ZNF536: variants seen among roughly 807,000 people sequenced by gnomAD.
ZNF536 encodes the protein zinc finger protein 536.
Under a neutral mutation model 84.5 loss-of-function variants are expected in ZNF536, and 13 were observed. The observed-to-expected ratio is 0.15, with a 90% CI of 0.10 to 0.24. The LOEUF (loss-of-function observed/expected upper bound fraction) is 0.24. Ranked by LOEUF, ZNF536 falls within the 10% of genes least tolerant of loss-of-function variation. ZNF536 has a pLI of 1.00. For synonymous variants in ZNF536, 811 were observed against 742.5 expected, an observed-to-expected ratio of 1.09 and a Z score of -1.50; for missense variants, 1,536 against 1,747.5, an observed-to-expected ratio of 0.88 and a Z score of 2.16.
chr19:30,648,771 T>C lies in ZNF536; in HGVS notation c.170-61986T>C, dbSNP rs148349826. Reference sequence around the variant, plus strand: ...CACACTCCAGTCAGTTTTTAAAAAGTGTTTTTAATTGGGTCAAATAGCATG... The same window carrying C: ...CACACTCCAGTCAGTTTTTAAAAAGCGTTTTTAATTGGGTCAAATAGCATG... On this transcript the variant is annotated intron_variant, in intron 1 of 1. Transcript: ENST00000592773. 1.0e-2 allele frequency among the ~76,000 whole-genome samples: 1,522 copies of C among 152,350 alleles called. 31 individuals carry two copies. The highest frequency in any genetic ancestry group is 0.035 in the African/African-American group (1,437 of 41,574).
chr19:30,546,793 C>T (rs1308979504), intron 3 of ZNF536, among the ~76,000 whole-genome samples: 1 of 152,190 alleles, frequency 6.6e-6, no homozygotes, highest in Admixed American at 6.5e-5. Context: ...CTGTCACAGT[C>T]CCCATTCCTT....
intron 2 of ZNF536, among the ~76,000 whole-genome samples, chr19:30,483,528 G>T (rs1177508374): frequency 7.1e-6 from 1 of 140,262 alleles, no homozygotes; most frequent in Non-Finnish European, 1.5e-5. Context: ...CCAGGGCATG[G>T]TCCAGGCGGT....
intron 1 of ZNF536, among the ~76,000 whole-genome samples, chr19:30,247,936 A>T (rs1413731745): frequency 6.6e-6 from 1 of 152,212 alleles, no homozygotes; most frequent in Non-Finnish European, 1.5e-5. Flanking sequence ...ACCAAATCAG[A>T]GAGTATTTCA....
chr19:30,351,633 G>A (rs559259516), intron 2 of ZNF536, among the ~76,000 whole-genome samples: 4 of 152,244 alleles, frequency 2.6e-5, no homozygotes, highest in East Asian at 3.9e-4. Flanking sequence ...ATTTGAGCAC[G>A]GCTCTGATTT....
At chr19:30,273,257 A>G (rs1382610934) in intron 1 of ZNF536, among the ~76,000 whole-genome samples, 5 of 152,170 alleles carry the variant, frequency 3.3e-5, no homozygotes, top group East Asian at 1.9e-4. Context: ...ACTCATTTGT[A>G]TAAATATCAA....
chr19:30,277,721 G>A (rs117730789), intron 1 of ZNF536, among the ~76,000 whole-genome samples: 2,098 of 152,352 alleles, frequency 0.014, 27 homozygotes, highest in Middle Eastern at 0.041. Flanking sequence ...AGGCCTGATG[G>A]CAGCGTGTCC....
At chr19:30,527,999 T>C (rs1020196566) in intron 2 of ZNF536, among the ~76,000 whole-genome samples, 13 of 152,218 alleles carry the variant, frequency 8.5e-5, no homozygotes, top group African/African-American at 3.1e-4. Context: ...AGAGCTGTGA[T>C]TTTGAGACGT....
At chr19:30,559,361 CA>C (rs1400743402), downstream of ZNF536, among the ~76,000 whole-genome samples, 1 of 152,206 alleles carries the variant, frequency 6.6e-6, no homozygotes, top group Non-Finnish European at 1.5e-5. Flanking sequence ...TAGGCAGGGC[CA>C]GTTTCCACTG....
chr19:30,542,684 CA>C (rs563315439), intron 3 of ZNF536, among the ~76,000 whole-genome samples: 25 of 152,352 alleles, frequency 1.6e-4, no homozygotes, highest in South Asian at 1.2e-3. Flanking sequence ...GCACATTTCA[CA>C]ATGACTGCCT....
chr19:30,252,049 AC>A (rs1341673347), intron 1 of ZNF536, among the ~76,000 whole-genome samples: 1 of 152,220 alleles, frequency 6.6e-6, no homozygotes. Flanking sequence ...TATACATCTG[AC>A]AAAGGACTAA....
At chr19:30,579,739 T>C (rs2046855775) in intron 1 of ZNF536, among the ~76,000 whole-genome samples, 1 of 152,164 alleles carries the variant, frequency 6.6e-6, no homozygotes, top group Admixed American at 6.5e-5. Flanking sequence ...CATTGAGTTA[T>C]ATGGACAGTG....
intron 1 of ZNF536, among the ~76,000 whole-genome samples, chr19:30,663,386 G>A (rs2050194205): frequency 1.3e-5 from 2 of 152,060 alleles, no homozygotes; most frequent in Admixed American, 6.5e-5. Context: ...GCAGGATATG[G>A]TATATGCATA....
chr19:30,404,554 A>G lies in ZNF536; in HGVS notation c.-3+31998A>G, dbSNP rs541564426. On this transcript the variant is annotated intron_variant, in intron 1 of 4. Transcript: ENST00000355537. ...AATATGATAGTAGTAAAACTCACTG[A>G]TAGAGTTTGAGAATTATGTGAAGGC... Among the ~76,000 whole-genome samples, 313 of 152,300 alleles carry G rather than the reference A, an allele frequency of 2.1e-3. 2 individuals are homozygous for G. The highest frequency in any genetic ancestry group is 7.0e-3 in the African/African-American group (293 of 41,568).
In ZNF536 at chr19:30,325,129, G is replaced by A. The variant is rs565632419; in HGVS notation, c.-119-27239G>A. Among the ~76,000 whole-genome samples, 37 of 152,358 alleles carry A rather than the reference G, an allele frequency of 2.4e-4. No homozygotes were observed. The South Asian group carries it at 5.8e-3, about 24-fold the overall frequency. ...ATGCCCAGGGAGGAATGATAGCCAG[G>A]CTGGAAAGGGCTTTGTGGAGGGGTT... On this transcript the variant is annotated intron_variant, in intron 2 of 5. Coordinates refer to the ZNF536 transcript ENST00000585628.
rs193021056 is a variant in ZNF536, at chr19:30,385,166, A to G, written c.-3+12610A>G. 1.4e-4 allele frequency among the ~76,000 whole-genome samples: 21 copies of G among 149,744 alleles called. No individual in the cohort carries two copies. In the East Asian group the frequency reaches 3.1e-3, roughly 22 times the overall value. On this transcript the variant is annotated intron_variant, in intron 1 of 4. Coordinates refer to ENST00000355537, the MANE Select transcript of ZNF536 (RefSeq NM_014717.3). The stretch of plus-strand genomic sequence containing the variant: ...GCTGCCCCAGGCATCCTTCTCTTTC[A>G]TTCAGGGTAGGAAGGGCCTTTCCAG...
chr19:30,310,418 G>A (rs772779734), intron 2 of ZNF536, among the ~76,000 whole-genome samples: 6 of 152,138 alleles, frequency 3.9e-5, no homozygotes, highest in South Asian at 2.1e-4. Flanking sequence ...TCTTTGTGCC[G>A]AACAAGTCAG....
At chr19:30,656,397 T>A (rs61288731) in intron 1 of ZNF536, among the ~76,000 whole-genome samples, 3,088 of 152,274 alleles carry the variant, frequency 0.02, 101 homozygotes, top group African/African-American at 0.071. Flanking sequence ...ATTAAAACAA[T>A]ATGAAAACTC....
chr19:30,249,674 A>T (rs2024494720), intron 1 of ZNF536, among the ~76,000 whole-genome samples: 1 of 152,116 alleles, frequency 6.6e-6, no homozygotes, highest in African/African-American at 2.4e-5. Context: ...GCAAAACCAA[A>T]AACCCACATT....
At chr19:30,571,163 T>C (rs1035966582) in intron 1 of ZNF536, among the ~76,000 whole-genome samples, 6 of 152,280 alleles carry the variant, frequency 3.9e-5, no homozygotes, top group African/African-American at 1.4e-4. Flanking sequence ...TAAGAAGCAC[T>C]GTGGGTACTC....
Sources: gnomAD v4.1 joint callset for allele counts (sites outside exome capture counted in the v4.1 genomes callset) on GRCh38, gnomAD v4.1.1 for gene constraint, MANE v1.5 for transcripts, NCBI Gene and HGNC (gene_info 2026-07-23, HGNC 2026-07-21) for gene names.